Variants in TJP2 observed in about 807,000 individuals in gnomAD.
TJP2 encodes the protein tight junction protein 2, also known as Friedreich ataxia region gene X104 (tight junction protein ZO-2).
TJP2 carries 91 observed loss-of-function variants against 133.1 expected under a neutral mutation model. The ratio of observed to expected loss-of-function variants is 0.68; its 90% CI spans 0.58 to 0.81. The LOEUF is 0.81. TJP2 is among the 40% of genes least tolerant of loss of function. The pLI is 0.00. For missense variants in TJP2, 1,541 were observed against 1,565.6 expected (o/e 0.98, Z 0.26); for synonymous variants, 592 against 583.4 (o/e 1.01, Z -0.21).
intron 1 of TJP2, among the ~76,000 whole-genome samples, chr9:69,210,298 C>CAAA (rs1261607458): frequency 7.4e-4 from 19 of 25,720 alleles, no homozygotes; most frequent in East Asian, 4.9e-3. Context: ...CCCCCCCCCC[C>CAAA]CAAAAAAAAA....
Position 69,181,240 on chromosome 9 carries a change from CTTTTTT to C in TJP2, c.60+6829_60+6834del, listed in dbSNP as rs149100552. Among the ~76,000 whole-genome samples, 55 of 73,186 alleles carry C rather than the reference CTTTTTT, an allele frequency of 7.5e-4. 2 individuals are homozygous for C. The highest frequency in any genetic ancestry group is 0.01 in the Middle Eastern group (1 of 100). 48.0% of individuals were successfully genotyped at this position (73,186 alleles called of 152,430 possible). On this transcript the variant is annotated intron_variant, in intron 1 of 22. Transcript: ENST00000377245. The stretch of plus-strand genomic sequence containing the variant: ...GTCTTGTGACTCTAGTTTGCAATTT[CTTTTTT>C]TTTTTTTTTTTTTTTTTTTTGAGGT...
intron 6 of TJP2, among the ~76,000 whole-genome samples, chr9:69,225,623 A>C (rs907023593): frequency 6.6e-6 from 1 of 152,110 alleles, no homozygotes; most frequent in Admixed American, 6.6e-5. Flanking sequence ...AAACAAAAAA[A>C]CTCCATGAAT....
At chr9:69,208,293 A>G (rs981059462) in intron 1 of TJP2, among the ~76,000 whole-genome samples, 1 of 152,220 alleles carries the variant, frequency 6.6e-6, no homozygotes, top group African/African-American at 2.4e-5. Flanking sequence ...TAAGTAGCTA[A>G]TAGTTAATTT....
At chr9:69,218,594 A>G (rs1376551419) in intron 4 of TJP2, 2 of 535,652 alleles carry the variant, frequency 3.7e-6, no homozygotes, top group South Asian at 4.0e-5. Context: ...TTGCCTTAGG[A>G]ACCAAGTTAG....
intron 4 of TJP2, among the ~76,000 whole-genome samples, chr9:69,220,246 T>C (rs902777964): frequency 6.6e-6 from 1 of 152,240 alleles, no homozygotes; most frequent in Non-Finnish European, 1.5e-5. Context: ...ATTAATTTAA[T>C]ACATTAATAT....
intron 2 of TJP2, chr9:69,151,826 G>A: frequency 8.1e-7 from 1 of 1,231,356 alleles, no homozygotes; most frequent in East Asian, 3.2e-5. Context: ...CCCAAAATTT[G>A]TTCGAATAGT....
chr9:69,236,637 A>C (rs1201228806), intron 13 of TJP2, among the ~76,000 whole-genome samples: 1 of 152,188 alleles, frequency 6.6e-6, no homozygotes, highest in Non-Finnish European at 1.5e-5. Flanking sequence ...CTGACAGTGC[A>C]GGAACCTAGA....
chr9:69,179,507 C>CTTTT (rs1825334513), intron 1 of TJP2, among the ~76,000 whole-genome samples: 1 of 139,522 alleles, frequency 7.2e-6, no homozygotes, highest in African/African-American at 2.7e-5. Context: ...TTTTCTTTTT[C>CTTTT]TTTCTTTTTT....
At chr9:69,193,582 T>A (rs1826351080) in intron 1 of TJP2, among the ~76,000 whole-genome samples, 1 of 147,632 alleles carries the variant, frequency 6.8e-6, no homozygotes, top group African/African-American at 2.5e-5. Context: ...ATGCAGACTG[T>A]CAGTTTCACT....
chr9:69,201,251 C>T (rs1045053933), intron 1 of TJP2, among the ~76,000 whole-genome samples: 1 of 152,208 alleles, frequency 6.6e-6, no homozygotes, highest in African/African-American at 2.4e-5. Context: ...AAGCTCTTCT[C>T]ATGGAGGTAG....
At chr9:69,191,999 A>G (rs531676108) in intron 1 of TJP2, among the ~76,000 whole-genome samples, 1 of 152,002 alleles carries the variant, frequency 6.6e-6, no homozygotes, top group East Asian at 2.0e-4. Flanking sequence ...CTGTCTCCCA[A>G]AGTGCTGGGA....
At chr9:69,155,613 A>G (rs977907478) in intron 2 of TJP2, among the ~76,000 whole-genome samples, 1 of 152,250 alleles carries the variant, frequency 6.6e-6, no homozygotes, top group African/African-American at 2.4e-5. Flanking sequence ...GGGCTTGTTT[A>G]CAGATGGTGT....
At chr9:69,186,963 C>T (rs993017166) in intron 1 of TJP2, among the ~76,000 whole-genome samples, 1 of 152,128 alleles carries the variant, frequency 6.6e-6, no homozygotes, top group Non-Finnish European at 1.5e-5. Context: ...TCTCTGTGGG[C>T]GTTTCTGCTG....
intron 17 of TJP2, among the ~76,000 whole-genome samples, chr9:69,242,701 C>CCTACAGCTGTGTGGATGACTGCA (rs1830656006): frequency 6.6e-6 from 1 of 152,158 alleles, no homozygotes; most frequent in African/African-American, 2.4e-5. Flanking sequence ...AGTTTGACTC[C>CCTACAGCTGTGTGGATGACTGCA]CTACAGCTGT....
At chr9:69,183,015 T>G (rs941085550) in intron 1 of TJP2, among the ~76,000 whole-genome samples, 1 of 151,924 alleles carries the variant, frequency 6.6e-6, no homozygotes, top group South Asian at 2.1e-4. Flanking sequence ...CAGGCTGATC[T>G]CGAACTCCTG....
At chr9:69,248,486 G>T in intron 19 of TJP2, 1 of 1,318,578 alleles carries the variant, frequency 7.6e-7, no homozygotes, top group East Asian at 2.8e-5. Context: ...TAAACAGAAT[G>T]GCTTTAGGTG....
intron 11 of TJP2, 64 bp from the exon 12 acceptor site, chr9:69,234,375 T>C: frequency 8.0e-7 from 1 of 1,243,714 alleles, no homozygotes; most frequent in Non-Finnish European, 1.1e-6. Flanking sequence ...CTGTTTTTTC[T>C]TTCTTTCTTT....
At chr9:69,121,509 A>C in exon 1 of TJP2, 2 of 274,280 alleles carry the variant, frequency 7.3e-6, no homozygotes, top group Non-Finnish European at 1.1e-5. Flanking sequence ...ACAATAATAT[A>C]CGGGAGCAGC....
At chr9:69,237,744 G>T (rs1304647268) in intron 14 of TJP2, 134 bp from the exon 15 acceptor site, 4 of 713,402 alleles carry the variant, frequency 5.6e-6, no homozygotes, top group Admixed American at 2.1e-5. Flanking sequence ...TCAGAACAGA[G>T]CCAAGCTGAA....
Sources: gnomAD v4.1 joint callset for allele counts (sites outside exome capture counted in the v4.1 genomes callset) on GRCh38, gnomAD v4.1.1 for gene constraint, MANE v1.5 for transcripts, NCBI Gene and HGNC (gene_info 2026-07-23, HGNC 2026-07-21) for gene names.